Variants in CPM observed in about 807,000 individuals in gnomAD.
The protein encoded by CPM is carboxypeptidase M, also known as renal carboxypeptidase.
Under a neutral mutation model 46.4 loss-of-function variants are expected in CPM, and 35 were observed. That is an observed-to-expected ratio of 0.75 (90% confidence interval 0.58 to 1.00). The LOEUF (loss-of-function observed/expected upper bound fraction) is 1.00. Among genes scored for constraint, CPM ranks in the 50% least tolerant of loss-of-function variants. The pLI is 0.00. For missense variants in CPM, 422 were observed against 530.4 expected (o/e 0.80, Z 2.01); for synonymous variants, 195 against 195.3 (o/e 1.00, Z 0.01).
At chr12:68,843,700 T>G (rs1458957722) in intron 5 of CPM, 1 of 42,372 alleles carries the variant, frequency 2.4e-5, no homozygotes, top group African/African-American at 3.4e-4. Flanking sequence ...GCTTCAAAAC[T>G]CTCTCTCTCT....
chr12:68,931,131 A>G (rs902012237), intron 2 of CPM, among the ~76,000 whole-genome samples: 2 of 152,202 alleles, frequency 1.3e-5, no homozygotes, highest in African/African-American at 2.4e-5. Context: ...CTCTTTGGCA[A>G]TGCTGTTTAA....
downstream of CPM, chr12:68,849,114 T>TG (rs1884526484): frequency 1.4e-5 from 2 of 146,006 alleles, no homozygotes; most frequent in African/African-American, 5.2e-5. Flanking sequence ...TTTTTTGAGA[T>TG]GGAGTTTCAC....
chr12:68,903,082 C>A (rs1887180383), intron 2 of CPM, among the ~76,000 whole-genome samples: 2 of 152,160 alleles, frequency 1.3e-5, no homozygotes, highest in Non-Finnish European at 2.9e-5. Context: ...ACATTAACTG[C>A]CTACAATGTT....
chr12:68,867,093 G>C (rs746919792), intron 6 of CPM, 45 bp from the exon 7 acceptor site: 1 of 1,596,490 alleles, frequency 6.3e-7, no homozygotes. Flanking sequence ...TAAAATTGGA[G>C]TGGAGCCAAG....
At chr12:68,878,015 C>T (rs1280598597) in intron 3 of CPM, among the ~76,000 whole-genome samples, 1 of 152,164 alleles carries the variant, frequency 6.6e-6, no homozygotes, top group Non-Finnish European at 1.5e-5. Context: ...GCCACTATTA[C>T]CCAGGGAATG....
chr12:68,869,340 A>G lies in CPM; in HGVS notation c.772T>C (p.Trp258Arg). 1 of 1,613,160 alleles carries G rather than the reference A, an allele frequency of 6.2e-7. No homozygotes were observed. The highest frequency in any genetic ancestry group is 8.5e-7 in the Non-Finnish European group (1 of 1,179,494). ...FPNGVTNGYS[W>R]YPLQGGMQDY... The stretch of plus-strand genomic sequence containing the variant: ...AGAAACTCACCTTGGAGTGGATACC[A>G]AGAGTATCCATTTGTAACACCATTA... The change falls in exon 6 of 9, where the codon TGG becomes CGG. Residue 258 changes from tryptophan to arginine, a missense_variant. By Grantham distance (101) the Trp-to-Arg change is moderately radical. Coordinates refer to ENST00000551568, the MANE Select transcript of CPM (RefSeq NM_198320.5).
At chr12:68,849,091 C>CA (rs1884523158), downstream of CPM, 1 of 140,370 alleles carries the variant, frequency 7.1e-6, no homozygotes, top group Admixed American at 6.9e-5. Flanking sequence ...TAACGGTAGA[C>CA]CCTTTTTTTT....
At chr12:68,922,618 ATTTT>A (rs10603077) in intron 2 of CPM, among the ~76,000 whole-genome samples, 92 of 138,080 alleles carry the variant, frequency 6.7e-4, no homozygotes, top group African/African-American at 1.3e-3. Context: ...AGTTGGCAGC[ATTTT>A]TTTTTTTTTT....
chr12:68,953,136 A>G (rs1016789272), intron 1 of CPM, among the ~76,000 whole-genome samples: 4 of 152,236 alleles, frequency 2.6e-5, no homozygotes, highest in Non-Finnish European at 5.9e-5. Flanking sequence ...CGGGACATTC[A>G]TACCCATTGC....
rs1025736233 is a variant in CPM, at chr12:68,907,954, A to G, written c.161-22065T>C. Reference sequence around the variant, plus strand: ...AGTGATTCTCCTGCTTCAGCTTCCCAAGTAGCTGGGATTACAGGCTCCCGC... The same window carrying G: ...AGTGATTCTCCTGCTTCAGCTTCCCGAGTAGCTGGGATTACAGGCTCCCGC... On this transcript the variant is annotated intron_variant, in intron 2 of 8. Coordinates refer to ENST00000551568, the MANE Select transcript of CPM (RefSeq NM_198320.5). Among the ~76,000 whole-genome samples, 6 of 152,120 alleles carry G rather than the reference A, an allele frequency of 3.9e-5. No homozygotes were observed. In the South Asian group the frequency reaches 6.2e-4, roughly 16 times the overall value.
intron 3 of CPM, among the ~76,000 whole-genome samples, chr12:68,879,188 T>C (rs1886084918): frequency 6.6e-6 from 1 of 152,090 alleles, no homozygotes; most frequent in Non-Finnish European, 1.5e-5. Context: ...ATCCCAACTC[T>C]AAAATAAAAA....
chr12:68,863,732 A>G (rs1172607745), intron 7 of CPM, among the ~76,000 whole-genome samples: 1 of 152,232 alleles, frequency 6.6e-6, no homozygotes, highest in East Asian at 1.9e-4. Flanking sequence ...CCACTAAAGC[A>G]GAAGGCCTTT....
Position 68,924,816 on chromosome 12 carries a change from A to G in CPM, c.160+7862T>C, listed in dbSNP as rs146660625. ...GTGTTGTGCCAAAATTTTATATACA[A>G]TGCTGTTTTCTGAGGGTAAATCACC... On this transcript the variant is annotated intron_variant, in intron 2 of 8. Transcript: ENST00000551568. Among the ~76,000 whole-genome samples, 357 of 152,308 alleles carry G rather than the reference A, an allele frequency of 2.3e-3. 3 individuals are homozygous for G. Among genetic ancestry groups the G allele is most frequent in the African/African-American group, 7.9e-3 (327 of 41,574 alleles).
intron 2 of CPM, among the ~76,000 whole-genome samples, chr12:68,915,521 G>A: frequency 6.6e-6 from 1 of 152,300 alleles, no homozygotes; most frequent in Non-Finnish European, 1.5e-5. Flanking sequence ...TTGTTCAAAT[G>A]TCAGCCTCCC....
chr12:68,946,086 G>T (rs1331710296), intron 1 of CPM, among the ~76,000 whole-genome samples: 1 of 151,892 alleles, frequency 6.6e-6, no homozygotes, highest in African/African-American at 2.4e-5. Context: ...GAACTTCTGG[G>T]CTCAAGTGAT....
chr12:68,947,528 C>A (rs762790967), intron 1 of CPM, among the ~76,000 whole-genome samples: 12 of 151,052 alleles, frequency 7.9e-5, no homozygotes, highest in Non-Finnish European at 1.6e-4. Context: ...ACCTGGGAGG[C>A]GGAGCTTGCA....
intron 1 of CPM, among the ~76,000 whole-genome samples, chr12:68,956,976 G>A (rs1889030816): frequency 6.6e-6 from 1 of 152,074 alleles, no homozygotes; most frequent in Admixed American, 6.5e-5. Context: ...TATGAACAAT[G>A]GTGCTAATAA....
chr12:68,959,412 T>TA (rs1244482706), intron 1 of CPM, among the ~76,000 whole-genome samples: 5,542 of 148,816 alleles, frequency 0.037, 312 homozygotes, highest in African/African-American at 0.13. Flanking sequence ...ATTGTTATTG[T>TA]AAAAAAAAAA....
At chr12:68,891,089 TG>T (rs1886635609) in intron 2 of CPM, among the ~76,000 whole-genome samples, 1 of 152,280 alleles carries the variant, frequency 6.6e-6, no homozygotes, top group South Asian at 2.1e-4. Context: ...TCCACGTAAG[TG>T]GGAATAACAG....
Sources: gnomAD v4.1 joint callset for allele counts (sites outside exome capture counted in the v4.1 genomes callset) on GRCh38, gnomAD v4.1.1 for gene constraint, MANE v1.5 for transcripts, NCBI Gene and HGNC (gene_info 2026-07-23, HGNC 2026-07-21) for gene names.